The following DNAAF3 variants were observed in gnomAD, a reference collection of about 807,000 sequenced individuals.
DNAAF3 encodes the protein UPF0470 protein C19orf51.
In DNAAF3, 40 loss-of-function variants were observed where a neutral mutation model predicts 50.9. The ratio of observed to expected loss-of-function variants is 0.79; its 90% CI spans 0.61 to 1.02. The LOEUF is 1.02. Among genes scored for constraint, DNAAF3 ranks in the 50% least tolerant of loss-of-function variants. The probability of loss-of-function intolerance (pLI) is 0.00; values close to 1 mark genes in which losing one functional copy is unlikely to be tolerated. For missense variants in DNAAF3, 763 were observed against 744.7 expected, an observed-to-expected ratio of 1.02 and a Z score of -0.29; for synonymous variants, 327 against 322.8, an observed-to-expected ratio of 1.01 and a Z score of -0.14.
chr19:55,161,122 GA>G lies in DNAAF3; in HGVS notation c.854del (p.Phe285SerfsTer30). Reference sequence around the variant, plus strand: ...GGCTCTCGTCGTCCGCTTCGATGCCGAAGGCCACGAAGGGCCCCGTGGCGAT... The same window carrying G: ...GGCTCTCGTCGTCCGCTTCGATGCCGAGGCCACGAAGGGCCCCGTGGCGAT... ...GDIATGPFVAFGIEADDESLL... is the reference protein window; with the variant it reads ...GDIATGPFVAXGIEADDESLL... On this transcript the variant is annotated frameshift_variant, in exon 8 of 12. Coordinates refer to ENST00000524407, the MANE Select transcript of DNAAF3 (RefSeq NM_001256715.2). LOFTEE classifies it high-confidence loss of function. This position sits in a 1 kb window ranked among gnomAD's most constrained non-coding sequence, Gnocchi z 6.4. 6.5e-7 allele frequency: 1 copy of G among 1,547,386 alleles called. No homozygotes were observed.
chr19:55,162,066 CT>C, intron 5 of DNAAF3, 66 bp downstream of exon 5: 5 of 1,272,348 alleles, frequency 3.9e-6, no homozygotes, highest in Non-Finnish European at 5.0e-6. Flanking sequence ...AACGCACGTC[CT>C]TTGGACTGTG....
At chr19:55,162,034 C>T in intron 5 of DNAAF3, 99 bp downstream of exon 5, 1 of 1,334,870 alleles carries the variant, frequency 7.5e-7, no homozygotes, top group Non-Finnish European at 9.6e-7. Context: ...TTCGAACCCC[C>T]TAGCCCGCCG....
rs765853951 is a variant in DNAAF3, at chr19:55,166,600, C to T, written c.-82G>A. 6.2e-7 allele frequency: 1 copy of T among 1,614,052 alleles called. No individual in the cohort carries two copies. Among genetic ancestry groups the T allele is most frequent in the African/African-American group, 1.3e-5 (1 of 74,946 alleles). On this transcript the variant is annotated 5_prime_UTR_variant, in exon 1 of 12. Transcript: ENST00000524407. This position sits in a 1 kb window ranked among gnomAD's most constrained non-coding sequence, Gnocchi z 4.0. ...CTGTGGACCCGCGGCACTCCACAAC[C>T]GCTGCCCAGAGTCCCCGCCCTTTTC...
chr19:55,165,147 G>A (rs897002929), intron 4 of DNAAF3, among the ~76,000 whole-genome samples: 7 of 146,266 alleles, frequency 4.8e-5, no homozygotes, highest in Admixed American at 4.2e-4. Flanking sequence ...CTCCTGCCTC[G>A]GCCTCCCAAA....
At chr19:55,165,809 C>A in intron 3 of DNAAF3, 49 bp downstream of exon 3, 1 of 1,593,028 alleles carries the variant, frequency 6.3e-7, no homozygotes, top group African/African-American at 1.3e-5. Context: ...CAATCCCTTC[C>A]TCCCTCAAGG....
rs2085831916 is a variant in DNAAF3 at position 55,161,526 on chromosome 19, C to T, written c.664-108G>A. 6.7e-7 allele frequency: 1 copy of T among 1,493,362 alleles called. No homozygotes were observed. Among genetic ancestry groups the T allele is most frequent in the African/African-American group, 1.4e-5 (1 of 71,464 alleles). 92.5% of individuals were successfully genotyped at this position (1,493,362 alleles called of 1,614,324 possible). A position where few individuals can be genotyped will look rare whatever the true frequency, so the allele number is the denominator to read the frequency against. ...AGTCCAGGTCCCCAGGCCCTCCTCC[C>T]TCAGACCCAGGAGTTCAGGCCCCCA... On this transcript the variant is annotated intron_variant, in intron 6 of 11. Transcript: ENST00000524407. This position sits in a 1 kb window ranked among gnomAD's most constrained non-coding sequence, Gnocchi z 6.4.
Position 55,161,819 on chromosome 19 carries a change from C to T in DNAAF3, c.487G>A (p.Glu163Lys). The stretch of plus-strand genomic sequence containing the variant: ...AATACGGCCTCCAGGGCATCCCGCT[C>T]GCGGAACTGCGGGGCCAGGCACGCG... ...WLSLRALKFR[E>K]RDALEAVFRF... is the part of the protein sequence containing the mutation. The change falls in exon 6 of 12, where the codon GAG (glutamate) becomes AAG (lysine). Residue 163 changes from glutamate (E) to lysine (K), a missense_variant. Glu to Lys is a moderately conservative substitution (Grantham distance 56, BLOSUM62 1). Coordinates refer to ENST00000524407, the MANE Select transcript of DNAAF3 (RefSeq NM_001256715.2). This position sits in a 1 kb window ranked among gnomAD's most constrained non-coding sequence, Gnocchi z 6.4. The T allele has an allele frequency of 1.3e-5, 19 of 1,436,060 alleles. No individual in the cohort carries two copies. Among genetic ancestry groups the T allele is most frequent in the Admixed American group, 2.7e-5 (1 of 37,288 alleles). The allele number at this position is 1,436,060 out of a possible 1,614,324, so 89.0% of individuals were successfully genotyped here.
intron 4 of DNAAF3, among the ~76,000 whole-genome samples, chr19:55,164,887 G>A (rs911469443): frequency 3.9e-5 from 6 of 151,980 alleles, no homozygotes; most frequent in African/African-American, 1.4e-4. Context: ...CAGGTAGGAG[G>A]AGCTGAGGCT....
In DNAAF3 at chr19:55,160,942, C is replaced by A; in HGVS notation, c.912+123G>T. On this transcript the variant is annotated intron_variant, in intron 8 of 11. Coordinates refer to ENST00000524407, the MANE Select transcript of DNAAF3 (RefSeq NM_001256715.2). The surrounding 1 kb of genome is among the most constrained non-coding windows in gnomAD (Gnocchi z 4.7). ...ATGGGGCCTGTTCTCTGAATGGAGTCGTTCCCACCAAGCGACGGGCGGGGT... is the reference window on the plus strand; with the variant it reads ...ATGGGGCCTGTTCTCTGAATGGAGTAGTTCCCACCAAGCGACGGGCGGGGT... 2 of 1,450,266 alleles carry A rather than the reference C, an allele frequency of 1.4e-6. No homozygotes were observed. The highest frequency in any genetic ancestry group is 2.8e-5 in the South Asian group (2 of 71,652). 89.8% of individuals were successfully genotyped at this position (1,450,266 alleles called of 1,614,324 possible).
In DNAAF3 at chr19:55,160,697, C is replaced by T. The variant is rs7508641; in HGVS notation, c.991G>A (p.Gly331Arg). The change falls in exon 9 of 12, where the codon GGG becomes AGG. Residue 331 changes from glycine to arginine, a missense_variant. By Grantham distance (125) the Gly-to-Arg change is moderately radical. Transcript: ENST00000524407. This position sits in a 1 kb window ranked among gnomAD's most constrained non-coding sequence, Gnocchi z 4.7. ...VAAWGRARAT[G>R]GDLEEQQHAE... ...TGCTGCTGCTCCTCCAGGTCCCCCC[C>T]GGTGGCTCTCGCGCGCCCCCAGGCG... is the stretch of plus-strand genomic sequence containing the variant. 1 of 1,613,676 alleles carries T rather than the reference C, an allele frequency of 6.2e-7. No individual in the cohort carries two copies. The highest frequency in any genetic ancestry group is 8.5e-7 in the Non-Finnish European group (1 of 1,179,966).
chr19:55,158,998 C>T lies in DNAAF3; in HGVS notation c.*64G>A. ...TCTAGCAGCGGACTTAGAATGGTAT[C>T]AGCGGGTTCTCATCCTACAACCTGA... On this transcript the variant is annotated 3_prime_UTR_variant, in exon 12 of 12. Coordinates refer to ENST00000524407, the MANE Select transcript of DNAAF3 (RefSeq NM_001256715.2). The T allele has an allele frequency of 6.6e-7, 1 of 1,507,550 alleles. No homozygotes were observed. Among genetic ancestry groups the T allele is most frequent in the Non-Finnish European group, 8.9e-7 (1 of 1,126,256 alleles). 93.4% of individuals were successfully genotyped at this position (1,507,550 alleles called of 1,614,324 possible).
At position 55,160,626 on chromosome 19, in the gene DNAAF3, T is replaced by A. The variant is rs773110831; in HGVS notation, c.1048+14A>T. 1.4e-6 allele frequency: 2 copies of A among 1,468,170 alleles called. No homozygotes were observed. The highest frequency in any genetic ancestry group is 7.7e-5 in the East Asian group (2 of 26,060). The allele number at this position is 1,468,170 out of a possible 1,614,324, so 90.9% of individuals were successfully genotyped here. ...CTGGAGTCCCTGGCTTACCTGTTGT[T>A]GTCCCTGGCTTACCTGGAGTCCCTG... is the stretch of plus-strand genomic sequence containing the variant. On this transcript the variant is annotated intron_variant, in intron 9 of 11. Coordinates refer to ENST00000524407, the MANE Select transcript of DNAAF3 (RefSeq NM_001256715.2). This position sits in a 1 kb window ranked among gnomAD's most constrained non-coding sequence, Gnocchi z 4.7.
Position 55,159,277 on chromosome 19 carries a change from GT to G in DNAAF3, c.1410del (p.Glu470AspfsTer24), listed in dbSNP as rs878854280. On this transcript the variant is annotated frameshift_variant, in exon 12 of 12. Coordinates refer to ENST00000524407, the MANE Select transcript of DNAAF3 (RefSeq NM_001256715.2). LOFTEE classifies it low-confidence loss of function (END_TRUNC). ...SALGNTVPAVEPGTPPLDILA... is the reference protein window; with the variant it reads ...SALGNTVPAVXPGTPPLDILA... ...AGGATGTCAAGGGGCGGAGTTCCGG[GT>G]TCCACAGCTGGGACAGTGTTGCCCA... 3.1e-6 allele frequency: 5 copies of G among 1,613,972 alleles called. No individual in the cohort carries two copies. In the Admixed American group the frequency reaches 5.0e-5, roughly 16 times the overall value.
chr19:55,164,947 G>T (rs1056489448), intron 4 of DNAAF3, among the ~76,000 whole-genome samples: 12 of 147,586 alleles, frequency 8.1e-5, no homozygotes, highest in African/African-American at 3.0e-4. Flanking sequence ...AAATATATTG[G>T]ATTTTTTTTT....
intron 4 of DNAAF3, chr19:55,162,756 T>TA: frequency 2.2e-6 from 2 of 892,578 alleles, no homozygotes; most frequent in Non-Finnish European, 2.7e-6. Context: ...TTATAGGTAA[T>TA]CTAGAGATGA....
chr19:55,165,936 C>A lies in DNAAF3; in HGVS notation c.150G>T (p.Leu50=). 6.2e-7 allele frequency: 1 copy of A among 1,614,248 alleles called. No homozygotes were observed. Among genetic ancestry groups the A allele is most frequent in the Non-Finnish European group, 8.5e-7 (1 of 1,180,040 alleles). ...TVHSNPELDV[L]LLGSVDGRHL... ...GCCGTCCATCCACAGAGCCCAGAAGCAGCACATCTAGCTCGGGGTTGCTGT... is the reference window on the plus strand; with the variant it reads ...GCCGTCCATCCACAGAGCCCAGAAGAAGCACATCTAGCTCGGGGTTGCTGT... Residue 50 remains leucine, a synonymous_variant, in exon 3 of 12, where the codon CTG becomes CTT. Transcript: ENST00000524407.
Position 55,165,463 on chromosome 19 carries a change from A to T in DNAAF3, c.229T>A (p.Phe77Ile). 6.2e-7 allele frequency: 1 copy of T among 1,613,966 alleles called. No homozygotes were observed. Residue 77 changes from phenylalanine (F) to isoleucine (I), a missense_variant and splice_region_variant, in exon 4 of 12, where the codon TTC (phenylalanine) becomes ATC (isoleucine). Physicochemically the swap from Phe to Ile is conservative, Grantham distance 21. Coordinates refer to ENST00000524407, the MANE Select transcript of DNAAF3 (RefSeq NM_001256715.2). Reference protein sequence around the residue: ...AKFWPRRRFNFFVLENNLEAV... With the variant: ...AKFWPRRRFNIFVLENNLEAV... ...TCCAGATTATTCTCCAGCACAAAGA[A>T]CTAGAAGGATGGACAGGGCAGAATA...
At position 55,162,031 on chromosome 19, in the gene DNAAF3, C is replaced by A. The variant is rs573343395; in HGVS notation, c.480+102G>T. ...GGAGTCGGGGAACTGGGATTCGAAC[C>A]CCCTAGCCCGCCGCCTGCTCCATCA... On this transcript the variant is annotated intron_variant, in intron 5 of 11. Transcript: ENST00000524407. 3.7e-6 allele frequency: 5 copies of A among 1,333,738 alleles called. No individual in the cohort carries two copies. In the African/African-American group the frequency reaches 7.7e-5, roughly 20 times the overall value. 82.6% of individuals were successfully genotyped at this position (1,333,738 alleles called of 1,614,324 possible). A position where few individuals can be genotyped will look rare whatever the true frequency, so the allele number is the denominator to read the frequency against.
Position 55,161,048 on chromosome 19 carries a change from C to T in DNAAF3, c.912+17G>A. On this transcript the variant is annotated intron_variant, in intron 8 of 11. Transcript: ENST00000524407. This position sits in a 1 kb window ranked among gnomAD's most constrained non-coding sequence, Gnocchi z 6.4. ...CCCAGCCCCACCTCTACCCCCAGTCCCAGCCTCGCCGCGCACCTTGACTGG... is the reference window on the plus strand; with the variant it reads ...CCCAGCCCCACCTCTACCCCCAGTCTCAGCCTCGCCGCGCACCTTGACTGG... The T allele has an allele frequency of 1.2e-5, 18 of 1,534,968 alleles. No individual in the cohort carries two copies. The highest frequency in any genetic ancestry group is 1.6e-5 in the Non-Finnish European group (18 of 1,142,900).
Sources: allele counts gnomAD v4.1 joint callset (sites outside exome capture counted in the v4.1 genomes callset), GRCh38; gene constraint gnomAD v4.1.1; non-coding constraint Gnocchi (gnomAD v3.1); transcripts MANE v1.5; gene names NCBI Gene and HGNC (gene_info 2026-07-23, HGNC 2026-07-21).